The following PPP4R2 variants were observed in gnomAD, a reference collection of about 807,000 sequenced individuals.
PPP4R2 encodes the protein serine/threonine-protein phosphatase 4 regulatory subunit 2.
In PPP4R2, 13 loss-of-function variants were observed where a neutral mutation model predicts 47.2. The observed-to-expected ratio is 0.28, with a 90% CI of 0.18 to 0.44. The LOEUF is 0.44. Ranked by LOEUF, PPP4R2 falls within the 20% of genes least tolerant of loss-of-function variation. The probability of loss-of-function intolerance (pLI) is 1.00; values close to 1 mark genes in which losing one functional copy is unlikely to be tolerated. For synonymous variants in PPP4R2, 151 were observed against 163.3 expected, an observed-to-expected ratio of 0.92 and a Z score of 0.57; for missense variants, 421 against 491.2, an observed-to-expected ratio of 0.86 and a Z score of 1.35.
intron 2 of PPP4R2, among the ~76,000 whole-genome samples, chr3:73,040,026 T>A (rs1702344106): frequency 6.6e-6 from 1 of 152,180 alleles, no homozygotes; most frequent in African/African-American, 2.4e-5. Context: ...CACTCCAGCC[T>A]GGGCGACAAG....
At chr3:72,999,141 G>A (rs1435792619) in intron 2 of PPP4R2, among the ~76,000 whole-genome samples, 1 of 152,162 alleles carries the variant, frequency 6.6e-6, no homozygotes, top group Non-Finnish European at 1.5e-5. Flanking sequence ...ATGCCTGCAA[G>A]CTGAGTCTCC....
rs1575899592 is a variant in PPP4R2, at chr3:73,068,820, A to G, written c.*3098A>G. The G allele has an allele frequency of 6.6e-6, 1 of 152,358 alleles. No homozygotes were observed. Among genetic ancestry groups the G allele is most frequent in the East Asian group, 1.9e-4 (1 of 5,186 alleles). The allele number at this position is 152,358 out of a possible 1,614,324, so 9.4% of individuals were successfully genotyped here. A position where few individuals can be genotyped will look rare whatever the true frequency, so the allele number is the denominator to read the frequency against. On this transcript the variant is annotated 3_prime_UTR_variant, in exon 9 of 9. Coordinates refer to ENST00000356692, the MANE Select transcript of PPP4R2 (RefSeq NM_174907.4). ...CTGCTACAATGTTTGATTATGAAAA[A>G]AATGTAACATGGTAAGGATGAAAAT...
chr3:73,052,630 A>G (rs1231034878), intron 3 of PPP4R2, among the ~76,000 whole-genome samples: 1 of 152,186 alleles, frequency 6.6e-6, no homozygotes, highest in African/African-American at 2.4e-5. Context: ...GGCAGTTTTA[A>G]AAGATACCAT....
intron 3 of PPP4R2, among the ~76,000 whole-genome samples, chr3:73,049,623 G>A (rs1367975516): frequency 1.3e-5 from 2 of 151,822 alleles, no homozygotes; most frequent in African/African-American, 2.4e-5. Context: ...TAAAAGTTAA[G>A]GTGAAACAGG....
rs773197037 is a variant in PPP4R2 at position 73,064,957 on chromosome 3, C to T, written c.744C>T (p.Leu248=). 1.2e-6 allele frequency: 2 copies of T among 1,613,722 alleles called. No homozygotes were observed. The highest frequency in any genetic ancestry group is 1.7e-6 in the Non-Finnish European group (2 of 1,179,832). ...CTGAGGGGCATGAGGTAAAAAGACT[C>T]AGGTTTGACAAAGAAGGTGAAGTCA... ...VEAEGHEVKR[L]RFDKEGEVRE... is the part of the protein sequence containing the mutation. Residue 248 remains leucine, a synonymous_variant, in exon 8 of 9, where the codon CTC becomes CTT. Transcript: ENST00000356692.
intron 2 of PPP4R2, among the ~76,000 whole-genome samples, chr3:73,002,081 A>G (rs1191707850): frequency 2.6e-5 from 4 of 152,174 alleles, no homozygotes; most frequent in African/African-American, 2.4e-5. Flanking sequence ...TAGCTCCCAC[A>G]TATGTGAAAA....
In PPP4R2 at chr3:73,064,185, A is replaced by G. The variant is rs140668229; in HGVS notation, c.638+39A>G. 566 of 1,524,124 alleles carry G rather than the reference A, an allele frequency of 3.7e-4. No individual in the cohort carries two copies. The African/African-American group carries it at 7.1e-3, about 19-fold the overall frequency. The allele number at this position is 1,524,124 out of a possible 1,614,324, so 94.4% of individuals were successfully genotyped here. ...ATATTTAAAAACAGTGTTTTTATTA[A>G]AAGTTAAAGTTAACATTTAATCAGT... On this transcript the variant is annotated intron_variant, in intron 7 of 8. Transcript: ENST00000356692.
At position 73,021,110 on chromosome 3, in the gene PPP4R2, T is replaced by G. The variant is rs141129558; in HGVS notation, c.116+22952T>G. On this transcript the variant is annotated intron_variant, in intron 2 of 8. Transcript: ENST00000356692. ...AGGTATGGATTGCTTTATGCAGATA[T>G]GTTTTTGAAAATTATGTTAACTAAG... Among the ~76,000 whole-genome samples the G allele has an allele frequency of 8.1e-4, 123 of 152,264 alleles. 3 individuals carry two copies. In the East Asian group the frequency reaches 0.021, roughly 26 times the overall value.
intron 2 of PPP4R2, among the ~76,000 whole-genome samples, chr3:73,042,252 G>A (rs1222798927): frequency 6.6e-6 from 1 of 150,590 alleles, no homozygotes; most frequent in Non-Finnish European, 1.5e-5. Flanking sequence ...GGGTTTTTTT[G>A]TTCTCATTTC....
chr3:73,034,396 G>A (rs1468264097), intron 2 of PPP4R2, among the ~76,000 whole-genome samples: 1 of 152,132 alleles, frequency 6.6e-6, no homozygotes, highest in Admixed American at 6.5e-5. Context: ...TATTACTCAG[G>A]CTATGGAGAT....
At chr3:73,051,353 A>G (rs1046908125) in intron 3 of PPP4R2, among the ~76,000 whole-genome samples, 1 of 152,194 alleles carries the variant, frequency 6.6e-6, no homozygotes, top group Non-Finnish European at 1.5e-5. Context: ...AAGTGCAGAT[A>G]TTGTAATTCT....
At chr3:73,000,629 G>T (rs1043515131) in intron 2 of PPP4R2, among the ~76,000 whole-genome samples, 5 of 152,268 alleles carry the variant, frequency 3.3e-5, no homozygotes, top group Non-Finnish European at 5.9e-5. Flanking sequence ...GTAAACATCT[G>T]ATGTAGGAAG....
intron 2 of PPP4R2, among the ~76,000 whole-genome samples, chr3:73,028,256 CAA>C (rs60279021): frequency 0.31 from 37,500 of 120,230 alleles, 5,365 homozygotes; most frequent in Non-Finnish European, 0.39. Context: ...GACTCCGTCT[CAA>C]AAAAAAAAAA....
At chr3:73,029,237 G>A (rs564416516) in intron 2 of PPP4R2, among the ~76,000 whole-genome samples, 7 of 152,366 alleles carry the variant, frequency 4.6e-5, no homozygotes, top group African/African-American at 1.7e-4. Context: ...CACTTCGCCT[G>A]GCTAGTATTA....
At position 73,068,555 on chromosome 3, in the gene PPP4R2, C is replaced by T. The variant is rs1703047143; in HGVS notation, c.*2833C>T. On this transcript the variant is annotated 3_prime_UTR_variant, in exon 9 of 9. Transcript: ENST00000356692. Reference sequence around the variant, plus strand: ...TGCTTAGGGTTTATTGTAACTACACCTTTCAGACGTGTGTTTTGGAGTAGT... The same window carrying T: ...TGCTTAGGGTTTATTGTAACTACACTTTTCAGACGTGTGTTTTGGAGTAGT... The T allele has an allele frequency of 6.6e-6, 1 of 152,114 alleles. No individual in the cohort carries two copies. The highest frequency in any genetic ancestry group is 1.5e-5 in the Non-Finnish European group (1 of 68,024). 9.4% of individuals were successfully genotyped at this position (152,114 alleles called of 1,614,324 possible). A position where few individuals can be genotyped will look rare whatever the true frequency, so the allele number is the denominator to read the frequency against.
intron 1 of PPP4R2, among the ~76,000 whole-genome samples, chr3:72,997,805 G>C (rs1009110678): frequency 6.6e-6 from 1 of 152,088 alleles, no homozygotes. Flanking sequence ...ATATAATGCT[G>C]GTGTTCCCCC....
chr3:73,035,757 C>T (rs1231308279), intron 2 of PPP4R2, among the ~76,000 whole-genome samples: 1 of 152,090 alleles, frequency 6.6e-6, no homozygotes, highest in Admixed American at 6.5e-5. Context: ...CCCCAAGTAG[C>T]TGGGACTACA....
intron 2 of PPP4R2, among the ~76,000 whole-genome samples, chr3:73,017,262 A>G (rs1701860339): frequency 6.6e-6 from 1 of 152,018 alleles, no homozygotes; most frequent in Admixed American, 6.6e-5. Context: ...TCAATTCCTC[A>G]CTTTCTTGAT....
intron 2 of PPP4R2, among the ~76,000 whole-genome samples, chr3:73,000,076 T>A (rs1304654141): frequency 6.6e-6 from 1 of 152,222 alleles, no homozygotes; most frequent in East Asian, 1.9e-4. Context: ...TGTTTTAGGA[T>A]GGGTGGATTG....
Sources: gnomAD v4.1 joint callset for allele counts (sites outside exome capture counted in the v4.1 genomes callset) on GRCh38, gnomAD v4.1.1 for gene constraint, MANE v1.5 for transcripts, NCBI Gene and HGNC (gene_info 2026-07-23, HGNC 2026-07-21) for gene names.